Variants in EYA1 observed in about 807,000 individuals in gnomAD.
EYA1 encodes the protein protein phosphatase EYA1.
Under a neutral mutation model 82.0 loss-of-function variants are expected in EYA1, and 16 were observed. The observed-to-expected ratio is 0.20, with a 90% CI of 0.13 to 0.30. The LOEUF is 0.30. Ranked by LOEUF, EYA1 falls within the 10% of genes least tolerant of loss-of-function variation. The pLI is 1.00. For missense variants in EYA1, 633 were observed against 730.7 expected (o/e 0.87, Z 1.54); for synonymous variants, 261 against 264.4 (o/e 0.99, Z 0.12).
intron 17 of EYA1, among the ~76,000 whole-genome samples, chr8:71,201,893 G>T (rs948516750): frequency 2.0e-5 from 3 of 151,778 alleles, no homozygotes; most frequent in Admixed American, 2.0e-4. Context: ...AATCATTATT[G>T]CCCTTCCTCA....
intron 11 of EYA1, among the ~76,000 whole-genome samples, chr8:71,268,394 T>C (rs990182426): frequency 6.6e-6 from 1 of 152,250 alleles, no homozygotes; most frequent in African/African-American, 2.4e-5. Context: ...ATATTTCAGA[T>C]ATTAGTCTTT....
intron 2 of EYA1, chr8:71,403,437 A>T (rs1173561129): frequency 2.0e-5 from 3 of 152,198 alleles, no homozygotes; most frequent in Non-Finnish European, 2.9e-5. Context: ...ATGCCACAAC[A>T]TATTGGAAAC....
At chr8:71,365,455 C>T (rs1056030995), upstream of EYA1, among the ~76,000 whole-genome samples, 6 of 152,064 alleles carry the variant, frequency 3.9e-5, no homozygotes, top group Admixed American at 2.6e-4. Context: ...ATAATCAGCA[C>T]TTAAAGACTA....
chr8:71,273,362 C>T (rs1816775062), intron 9 of EYA1, among the ~76,000 whole-genome samples: 1 of 152,196 alleles, frequency 6.6e-6, no homozygotes. Context: ...TTTAAGCTGA[C>T]TCATCTCACA....
chr8:71,366,665 T>G (rs1652242907), upstream of EYA1, among the ~76,000 whole-genome samples: 1 of 152,334 alleles, frequency 6.6e-6, no homozygotes, highest in South Asian at 2.1e-4. Context: ...ATTTATGAAG[T>G]GCTTACTACA....
chr8:71,275,070 A>G (rs1308887538), intron 9 of EYA1, among the ~76,000 whole-genome samples: 1 of 152,196 alleles, frequency 6.6e-6, no homozygotes, highest in Non-Finnish European at 1.5e-5. Flanking sequence ...GTGGCAGGTA[A>G]AGAATTCAAC....
At chr8:71,333,119 A>G (rs773712577) in intron 4 of EYA1, among the ~76,000 whole-genome samples, 33 of 152,318 alleles carry the variant, frequency 2.2e-4, no homozygotes, top group Middle Eastern at 6.8e-3. Flanking sequence ...TCATACACCT[A>G]TGAAGTCAGC....
chr8:71,388,991 C>T (rs1829123011), intron 2 of EYA1, among the ~76,000 whole-genome samples: 1 of 151,830 alleles, frequency 6.6e-6, no homozygotes, highest in African/African-American at 2.4e-5. Context: ...TTCTGGGCCC[C>T]TCTCACCCCT....
chr8:71,227,179 AT>A (rs928078750), intron 12 of EYA1, among the ~76,000 whole-genome samples: 3 of 150,974 alleles, frequency 2.0e-5, no homozygotes, highest in East Asian at 1.9e-4. Context: ...TATAAATATC[AT>A]TTTTTTTTGG....
chr8:71,283,538 T>TAG, intron 9 of EYA1, among the ~76,000 whole-genome samples: 1 of 152,134 alleles, frequency 6.6e-6, no homozygotes, highest in East Asian at 1.9e-4. Flanking sequence ...ACTTTTTTTT[T>TAG]TTTTCCACAA....
chr8:71,290,023 C>A (rs1818821085), intron 9 of EYA1, among the ~76,000 whole-genome samples: 1 of 152,098 alleles, frequency 6.6e-6, no homozygotes, highest in South Asian at 2.1e-4. Context: ...GAGTATAGAA[C>A]ATGGAGGGAG....
intron 1 of EYA1, among the ~76,000 whole-genome samples, chr8:71,358,767 T>C (rs1827126176): frequency 1.3e-5 from 2 of 152,198 alleles, no homozygotes; most frequent in South Asian, 4.1e-4. Flanking sequence ...TGATTTCCTC[T>C]CATGTTTGAT....
chr8:71,523,179 C>CTTTTTTTTTTT (rs1160944112), intron 2 of EYA1, among the ~76,000 whole-genome samples: 1 of 119,750 alleles, frequency 8.4e-6, no homozygotes, highest in Non-Finnish European at 1.8e-5. Flanking sequence ...TTTTCTTTTT[C>CTTTTTTTTTTT]TTTTTTTTTT....
intron 1 of EYA1, among the ~76,000 whole-genome samples, chr8:71,543,956 C>T (rs1586919588): frequency 6.6e-6 from 1 of 152,252 alleles, no homozygotes; most frequent in East Asian, 1.9e-4. Flanking sequence ...TCCCTCATTT[C>T]CTGGATGCTG....
At chr8:71,372,422 C>T (rs1217060900) in intron 2 of EYA1, among the ~76,000 whole-genome samples, 1 of 151,968 alleles carries the variant, frequency 6.6e-6, no homozygotes, top group Non-Finnish European at 1.5e-5. Context: ...AGTTAACTTC[C>T]CAATCAGGTT....
chr8:71,309,257 T>C (rs906258740), intron 7 of EYA1, among the ~76,000 whole-genome samples: 20 of 152,168 alleles, frequency 1.3e-4, no homozygotes, highest in African/African-American at 4.8e-4. Context: ...CACTAATTAT[T>C]GCTGTGCCTA....
Position 71,321,850 on chromosome 8 carries a change from G to T in EYA1, c.302C>A (p.Pro101His). ...NRPYPHILPTPSSQTMAAYGQ... is the reference protein window; with the variant it reads ...NRPYPHILPTHSSQTMAAYGQ... ...ATATGCAGCCATAGTTTGTGAGGAA[G>T]GGGTAGGGAGAATATGTGGGTATGG... Residue 101 changes from proline (P) to histidine (H), a missense_variant, in exon 6 of 18, where the codon CCT becomes CAT. By Grantham distance (77) the Pro-to-His change is moderately conservative. Coordinates refer to ENST00000340726, the MANE Select transcript of EYA1 (RefSeq NM_000503.6). 1 of 1,614,246 alleles carries T rather than the reference G, an allele frequency of 6.2e-7. No individual in the cohort carries two copies. Among genetic ancestry groups the T allele is most frequent in the Non-Finnish European group, 8.5e-7 (1 of 1,180,046 alleles).
chr8:71,254,927 T>G (rs1300670844), intron 11 of EYA1, among the ~76,000 whole-genome samples: 1 of 113,482 alleles, frequency 8.8e-6, no homozygotes, highest in Non-Finnish European at 1.7e-5. Context: ...CACACAAAAA[T>G]CAGTTGTGTT....
At chr8:71,519,552 C>T (rs1813232646) in intron 2 of EYA1, among the ~76,000 whole-genome samples, 1 of 151,850 alleles carries the variant, frequency 6.6e-6, no homozygotes, top group Admixed American at 6.6e-5. Context: ...AGTAAATGAG[C>T]CTCTGCTATA....
Sources: gnomAD v4.1 joint callset for allele counts (sites outside exome capture counted in the v4.1 genomes callset) on GRCh38, gnomAD v4.1.1 for gene constraint, MANE v1.5 for transcripts, NCBI Gene and HGNC (gene_info 2026-07-23, HGNC 2026-07-21) for gene names.